Variants in CENPP observed in about 807,000 individuals in gnomAD.
The protein encoded by CENPP is centromere protein P.
A neutral mutation model predicts 35.6 loss-of-function variants in CENPP; 24 were observed. That is an observed-to-expected ratio of 0.67 (90% CI 0.49 to 0.95). The LOEUF is 0.95. Among genes scored for constraint, CENPP ranks in the 40% least tolerant of loss-of-function variants. The pLI, the probability that CENPP is intolerant of heterozygous loss-of-function variation, is 0.00. For synonymous variants in CENPP, 120 were observed against 125.5 expected (o/e 0.96, Z 0.29); for missense variants, 332 against 345.3 (o/e 0.96, Z 0.31).
At chr9:92,379,909 TATTA>T (rs760861598) in intron 5 of CENPP, 50 bp downstream of exon 5, 2 of 1,138,596 alleles carry the variant, frequency 1.8e-6, no homozygotes, top group Admixed American at 3.6e-5. Context: ...ACAAAGCTGA[TATTA>T]ATTGAGAATT....
intron 5 of CENPP, among the ~76,000 whole-genome samples, chr9:92,534,358 T>G (rs73522336): frequency 0.025 from 3,865 of 152,330 alleles, 169 homozygotes; most frequent in African/African-American, 0.088. Context: ...CAGAATCATC[T>G]TCCTCTAGTC....
intron 5 of CENPP, among the ~76,000 whole-genome samples, chr9:92,567,399 T>TAGATATATAG (rs34193112): frequency 7.3e-6 from 1 of 136,200 alleles, no homozygotes; most frequent in African/African-American, 2.7e-5. Flanking sequence ...TATATATAGA[T>TAGATATATAG]ATATATATAA....
intron 5 of CENPP, among the ~76,000 whole-genome samples, chr9:92,399,898 TAG>T (rs1554757621): frequency 6.6e-6 from 1 of 152,208 alleles, no homozygotes; most frequent in Non-Finnish European, 1.5e-5. Flanking sequence ...TTTTAAAGTA[TAG>T]AGTTTTATAA....
At chr9:92,521,976 C>G (rs1848095697) in intron 5 of CENPP, among the ~76,000 whole-genome samples, 3 of 152,300 alleles carry the variant, frequency 2.0e-5, no homozygotes, top group African/African-American at 7.2e-5. Context: ...AAAATGATAA[C>G]TATGATTTTG....
chr9:92,517,398 T>C (rs1847795628), intron 5 of CENPP: 2 of 565,246 alleles, frequency 3.5e-6, no homozygotes, highest in Admixed American at 6.5e-5. Flanking sequence ...GGATCTGTTG[T>C]AGAAATTCTG....
In CENPP at chr9:92,567,393, T is replaced by TAGATAGATATATATATATATATATATAG. The variant is rs141069842; in HGVS notation, c.565-43920_565-43919insGATAGATATATATATATATATATATAGA. On this transcript the variant is annotated intron_variant, in intron 5 of 7. Coordinates refer to ENST00000375587, the MANE Select transcript of CENPP (RefSeq NM_001012267.3). ...AGATAGATATATATATATATATATA[T>TAGATAGATATATATATATATATATATAG]ATAGATATATATATAAAGTGGTTAG... is the stretch of plus-strand genomic sequence containing the variant. Among the ~76,000 whole-genome samples, 17 of 124,924 alleles carry TAGATAGATATATATATATATATATATAG rather than the reference T, an allele frequency of 1.4e-4. 1 individual carries two copies. The highest frequency in any genetic ancestry group is 6.1e-4 in the Admixed American group (8 of 13,040). 82.0% of individuals were successfully genotyped at this position (124,924 alleles called of 152,430 possible).
intron 5 of CENPP, among the ~76,000 whole-genome samples, chr9:92,605,889 A>G (rs1215309348): frequency 6.6e-6 from 1 of 152,212 alleles, no homozygotes; most frequent in Admixed American, 6.5e-5. Context: ...ATTTTTGATC[A>G]TATATTGGGT....
At chr9:92,386,637 T>C (rs1440558987) in intron 5 of CENPP, among the ~76,000 whole-genome samples, 2 of 152,176 alleles carry the variant, frequency 1.3e-5, no homozygotes, top group Admixed American at 1.3e-4. Flanking sequence ...TGAGTCCCTA[T>C]GTGGGATTGA....
At chr9:92,605,095 C>T (rs577361432) in intron 5 of CENPP, among the ~76,000 whole-genome samples, 6 of 152,180 alleles carry the variant, frequency 3.9e-5, no homozygotes, top group Non-Finnish European at 5.9e-5. Flanking sequence ...ATTCTCGTGC[C>T]TCAGCCCCTC....
At chr9:92,498,046 C>G (rs765800963) in intron 5 of CENPP, among the ~76,000 whole-genome samples, 3 of 152,090 alleles carry the variant, frequency 2.0e-5, no homozygotes, top group Non-Finnish European at 4.4e-5. Flanking sequence ...CCTGAAGAAC[C>G]ATGAGCCAAA....
chr9:92,454,448 G>T (rs1844813001), intron 5 of CENPP, among the ~76,000 whole-genome samples: 1 of 151,976 alleles, frequency 6.6e-6, no homozygotes, highest in African/African-American at 2.4e-5. Context: ...AAGATGTTGG[G>T]TTTTTTCAAT....
intron 5 of CENPP, among the ~76,000 whole-genome samples, chr9:92,435,833 C>G (rs1844233270): frequency 6.6e-6 from 1 of 152,170 alleles, no homozygotes. Flanking sequence ...TGGGCTGCCT[C>G]CAATTTGGGC....
At chr9:92,367,877 A>C (rs969476373) in intron 4 of CENPP, among the ~76,000 whole-genome samples, 2 of 152,062 alleles carry the variant, frequency 1.3e-5, no homozygotes, top group African/African-American at 2.4e-5. Context: ...TAGCCGCCCA[A>C]AGCACTGGGA....
intron 5 of CENPP, among the ~76,000 whole-genome samples, chr9:92,391,005 C>A (rs530816422): frequency 6.6e-6 from 1 of 152,110 alleles, no homozygotes; most frequent in South Asian, 2.1e-4. Context: ...TGGCTTATGC[C>A]TGTAATCCTA....
chr9:92,540,535 G>T (rs2131307886), intron 5 of CENPP, among the ~76,000 whole-genome samples: 1 of 152,208 alleles, frequency 6.6e-6, no homozygotes, highest in East Asian at 1.9e-4. Context: ...CACTCTGGGA[G>T]GCCAAGGTGG....
chr9:92,343,546 A>G (rs1206450740), intron 3 of CENPP, among the ~76,000 whole-genome samples: 3 of 152,242 alleles, frequency 2.0e-5, no homozygotes, highest in Non-Finnish European at 4.4e-5. Context: ...GGAAGAGAAT[A>G]CAATTCCATT....
chr9:92,355,705 T>C (rs777166038), intron 4 of CENPP, among the ~76,000 whole-genome samples: 2 of 152,244 alleles, frequency 1.3e-5, no homozygotes, highest in Non-Finnish European at 1.5e-5. Flanking sequence ...TAGCCCATTA[T>C]GAGACATTTC....
rs768365187 is a variant in CENPP, at chr9:92,418,603, A to G, written c.564+38744A>G. 2.0e-5 allele frequency among the ~76,000 whole-genome samples: 3 copies of G among 152,130 alleles called. No individual in the cohort carries two copies. The East Asian group carries it at 5.8e-4, about 29-fold the overall frequency. On this transcript the variant is annotated intron_variant, in intron 5 of 7. Transcript: ENST00000375587. ...TTTGGAATTACCTGATCCTTTAATG[A>G]TGGTCACTGCCTGGGGGAGGAAAGA...
At chr9:92,445,167 A>G (rs1844520050) in intron 5 of CENPP, among the ~76,000 whole-genome samples, 2 of 152,266 alleles carry the variant, frequency 1.3e-5, no homozygotes, top group South Asian at 4.1e-4. Context: ...TAAATGTTCA[A>G]GGTGGTCACA....
Sources: gnomAD v4.1 joint callset for allele counts (sites outside exome capture counted in the v4.1 genomes callset) on GRCh38, gnomAD v4.1.1 for gene constraint, MANE v1.5 for transcripts, NCBI Gene and HGNC (gene_info 2026-07-23, HGNC 2026-07-21) for gene names.